CEP83: variants seen among roughly 807,000 people sequenced by gnomAD.
CEP83 encodes centrosomal protein of 83 kDa.
In CEP83, 70 loss-of-function variants were observed where a neutral mutation model predicts 101.9. The observed-to-expected ratio is 0.69, with a 90% confidence interval of 0.57 to 0.84. CEP83 has a LOEUF of 0.84. Among genes scored for constraint, CEP83 ranks in the 40% least tolerant of loss-of-function variants. The probability of loss-of-function intolerance (pLI) is 0.00; values close to 1 mark genes in which losing one functional copy is unlikely to be tolerated. For missense variants in CEP83, 715 were observed against 787.2 expected (o/e 0.91, Z 1.10); for synonymous variants, 264 against 267.9 (o/e 0.99, Z 0.14).
chr12:94,279,465 C>G, the CEP83 span: 14 of 1,610,398 alleles, frequency 8.7e-6, no homozygotes, highest in African/African-American at 1.7e-4. Context: ...TGTTTGTACT[C>G]TTGCAGGCAT....
intron 7 of CEP83, among the ~76,000 whole-genome samples, chr12:94,377,023 A>G (rs1282690585): frequency 6.6e-6 from 1 of 152,110 alleles, no homozygotes; most frequent in East Asian, 1.9e-4. Flanking sequence ...TTACAGGCAT[A>G]AGCGACCACA....
downstream of CEP83, chr12:94,306,454 T>A (rs1463085031): frequency 6.6e-6 from 1 of 152,192 alleles, no homozygotes; most frequent in African/African-American, 2.4e-5. Flanking sequence ...AGTTATACTG[T>A]AGTCTTTTTA....
intron 4 of CEP83, among the ~76,000 whole-genome samples, chr12:94,404,827 A>G (rs889379028): frequency 5.3e-5 from 8 of 152,188 alleles, no homozygotes; most frequent in Non-Finnish European, 1.2e-4. Context: ...TAACTTATGT[A>G]CCCTTCCTAA....
At chr12:94,392,807 C>A (rs543581846) in intron 6 of CEP83, among the ~76,000 whole-genome samples, 1 of 152,054 alleles carries the variant, frequency 6.6e-6, no homozygotes, top group African/African-American at 2.4e-5. Flanking sequence ...GCCACCGATC[C>A]CACAGAAATA....
intron 8 of CEP83, among the ~76,000 whole-genome samples, chr12:94,373,072 T>C (rs915830500): frequency 6.6e-6 from 1 of 152,242 alleles, no homozygotes; most frequent in Non-Finnish European, 1.5e-5. Context: ...CCCTAGATCC[T>C]TGGTTCTTAA....
At chr12:94,372,610 G>A (rs976942616) in intron 8 of CEP83, among the ~76,000 whole-genome samples, 1 of 152,066 alleles carries the variant, frequency 6.6e-6, no homozygotes, top group Non-Finnish European at 1.5e-5. Flanking sequence ...TATTTCATAG[G>A]AAGTTGATTC....
intron 14 of CEP83, among the ~76,000 whole-genome samples, chr12:94,318,316 C>T (rs771860385): frequency 2.6e-5 from 4 of 152,164 alleles, no homozygotes; most frequent in Admixed American, 1.3e-4. Context: ...TGGATTGAGA[C>T]TATGGGGGTT....
intron 8 of CEP83, among the ~76,000 whole-genome samples, chr12:94,374,803 C>T (rs958232325): frequency 1.3e-5 from 2 of 152,140 alleles, no homozygotes; most frequent in African/African-American, 2.4e-5. Context: ...ATAATCACTG[C>T]TATTATCATT....
Position 94,369,947 on chromosome 12 carries a change from C to A in CEP83, c.1023G>T (p.Arg341Ser). ...ARAKSELERE[R>S]NKIQSELDGL... ...CATCCAGTTCACTTTGAATCTTATTCCTTTCTCTTTCTAGCTCACTCTTAG... is the reference window on the plus strand; with the variant it reads ...CATCCAGTTCACTTTGAATCTTATTACTTTCTCTTTCTAGCTCACTCTTAG... The change falls in exon 9 of 17, where the codon AGG (arginine) becomes AGT (serine). Residue 341 changes from arginine to serine, a missense_variant. Arg to Ser is a moderately radical substitution (Grantham distance 110). Coordinates refer to ENST00000397809, the MANE Select transcript of CEP83 (RefSeq NM_016122.3). 1.9e-6 allele frequency: 3 copies of A among 1,597,644 alleles called. No individual in the cohort carries two copies. The highest frequency in any genetic ancestry group is 2.6e-6 in the Non-Finnish European group (3 of 1,166,030).
In CEP83 at chr12:94,378,865, C is replaced by T; in HGVS notation, c.727G>A (p.Ala243Thr). The change falls in exon 7 of 17, where the codon GCT becomes ACT. Residue 243 changes from alanine (A) to threonine (T), a missense_variant. By Grantham distance (58) the Ala-to-Thr change is moderately conservative. Coordinates refer to ENST00000397809, the MANE Select transcript of CEP83 (RefSeq NM_016122.3). ...ELKAEKENSEAQVENAQRIQV... is the reference protein window; with the variant it reads ...ELKAEKENSETQVENAQRIQV... ...ATTCTTTGGGCATTTTCCACCTGAG[C>T]CTCAGAATTCTCCTTTTCAGCCTTT... 1 of 1,614,092 alleles carries T rather than the reference C, an allele frequency of 6.2e-7. No homozygotes were observed.
At chr12:94,318,570 C>T (rs1329212517) in intron 14 of CEP83, among the ~76,000 whole-genome samples, 4 of 152,044 alleles carry the variant, frequency 2.6e-5, no homozygotes, top group Admixed American at 1.3e-4. Flanking sequence ...ATGGCTCTCA[C>T]ATTTTGTAGT....
At chr12:94,350,487 T>C (rs763861490) in intron 11 of CEP83, among the ~76,000 whole-genome samples, 3 of 152,110 alleles carry the variant, frequency 2.0e-5, no homozygotes, top group Non-Finnish European at 4.4e-5. Flanking sequence ...TAATTTAAAA[T>C]AGATCAAAGG....
At chr12:94,412,852 C>G (rs2063986548) in intron 2 of CEP83, among the ~76,000 whole-genome samples, 1 of 150,556 alleles carries the variant, frequency 6.6e-6, no homozygotes, top group African/African-American at 2.4e-5. Context: ...CCATACCCGG[C>G]TAATTTTTTT....
chr12:94,314,460 ACAAT>A (rs1387098343), intron 14 of CEP83, among the ~76,000 whole-genome samples: 1 of 152,246 alleles, frequency 6.6e-6, no homozygotes, highest in Non-Finnish European at 1.5e-5. Flanking sequence ...TCATATACAT[ACAAT>A]CATAGTATGT....
At chr12:94,374,149 G>C (rs964649445) in intron 8 of CEP83, among the ~76,000 whole-genome samples, 2 of 152,132 alleles carry the variant, frequency 1.3e-5, no homozygotes, top group South Asian at 2.1e-4. Flanking sequence ...CTAACTCTAA[G>C]AGGAAAGAGC....
At chr12:94,330,822 A>G (rs1022810564) in intron 14 of CEP83, among the ~76,000 whole-genome samples, 3 of 152,190 alleles carry the variant, frequency 2.0e-5, no homozygotes, top group Non-Finnish European at 4.4e-5. Flanking sequence ...GTATGGAAAA[A>G]TGCATGTCAG....
At chr12:94,336,438 T>A (rs2059450528) in intron 11 of CEP83, among the ~76,000 whole-genome samples, 2 of 152,210 alleles carry the variant, frequency 1.3e-5, no homozygotes, top group African/African-American at 4.8e-5. Context: ...CTTGGTATTA[T>A]TAGCATGTCT....
At chr12:94,286,945 C>T in the CEP83 span, among the ~76,000 whole-genome samples, 3 of 152,136 alleles carry the variant, frequency 2.0e-5, no homozygotes. Flanking sequence ...CTAGATGCAG[C>T]CCCCAGAGCC....
the CEP83 span, among the ~76,000 whole-genome samples, chr12:94,281,452 G>A: frequency 1.3e-5 from 2 of 152,274 alleles, no homozygotes; most frequent in Admixed American, 6.5e-5. Context: ...TAATGGGAAA[G>A]GACTCGCCAT....
Sources: allele counts gnomAD v4.1 joint callset (sites outside exome capture counted in the v4.1 genomes callset), GRCh38; gene constraint gnomAD v4.1.1; transcripts MANE v1.5; gene names NCBI Gene and HGNC (gene_info 2026-07-23, HGNC 2026-07-21).